Variants in MCF2L observed in about 807,000 individuals in gnomAD.
MCF2L encodes MCF.2 cell line derived transforming sequence like, also known as guanine nucleotide exchange factor DBS.
MCF2L carries 97 observed loss-of-function variants against 153.4 expected under a neutral mutation model. The observed-to-expected ratio is 0.63, with a 90% CI of 0.54 to 0.75. The LOEUF is 0.75. MCF2L is among the 30% of genes least tolerant of loss of function. MCF2L has a pLI of 0.00. For synonymous variants in MCF2L, 659 were observed against 632.2 expected (o/e 1.04, Z -0.64); for missense variants, 1,347 against 1,495.2 (o/e 0.90, Z 1.64).
chr13:112,973,475 G>A (rs1276283140), intron 1 of MCF2L, among the ~76,000 whole-genome samples: 1 of 152,186 alleles, frequency 6.6e-6, no homozygotes, highest in Non-Finnish European at 1.5e-5. Context: ...AGATTTGAGC[G>A]GAGGGAGGCT....
intron 1 of MCF2L, among the ~76,000 whole-genome samples, chr13:112,988,887 C>G (rs12872749): frequency 0.031 from 1,911 of 61,012 alleles, no homozygotes; most frequent in Non-Finnish European, 0.042. Flanking sequence ...CTACCACGCC[C>G]GAGTCCTCCC....
In MCF2L at chr13:113,001,754, G is replaced by C; in HGVS notation, c.80-13009G>C. The C allele has an allele frequency of 3.7e-6, 5 of 1,362,536 alleles. 1 individual carries two copies. The South Asian group carries it at 7.2e-5, about 20-fold the overall frequency. 84.4% of individuals were successfully genotyped at this position (1,362,536 alleles called of 1,614,324 possible). On this transcript the variant is annotated intron_variant, in intron 1 of 29. Transcript: ENST00000535094. ...GAGGCCCTGGGAGGAGCAGCCGGCT[G>C]GCTGCCCTGCAGAGGCCAGGTCTGC...
intron 2 of MCF2L, among the ~76,000 whole-genome samples, chr13:112,919,447 C>T (rs1379743353): frequency 4.6e-5 from 7 of 151,938 alleles, no homozygotes; most frequent in African/African-American, 1.4e-4. Flanking sequence ...CCTCGTGATC[C>T]GCCCGCCTCG....
rs148288075 is a variant in MCF2L, at chr13:112,913,484, C to T, written c.169+11113C>T. On this transcript the variant is annotated intron_variant, in intron 2 of 29. Coordinates refer to the MCF2L transcript ENST00000375608. ...TTGATGCAGCTGGCACCTTTCTTCT[C>T]GGGGACAAATGTGATCTTTGATCAT... 3.2e-4 allele frequency among the ~76,000 whole-genome samples: 48 copies of T among 152,256 alleles called. No homozygotes were observed. The East Asian group carries it at 4.0e-3, about 13-fold the overall frequency.
rs575704425 is a variant in MCF2L, at chr13:113,095,811, C to T, written c.3076-560C>T. On this transcript the variant is annotated intron_variant, in intron 27 of 29. Transcript: ENST00000535094. ...TGCCGCTTCCTGGGTCCCCATTCCCCAACGGAACGTGTTCCATGACATCTG... is the reference window on the plus strand; with the variant it reads ...TGCCGCTTCCTGGGTCCCCATTCCCTAACGGAACGTGTTCCATGACATCTG... The T allele has an allele frequency of 1.8e-4, 183 of 996,190 alleles. 1 individual carries two copies. In the African/African-American group the frequency reaches 3.0e-3, roughly 16 times the overall value. 61.7% of individuals were successfully genotyped at this position (996,190 alleles called of 1,614,324 possible). A position where few individuals can be genotyped will look rare whatever the true frequency, so the allele number is the denominator to read the frequency against.
rs113005961 is a variant in MCF2L, at chr13:113,031,518, C to G, written c.278+6760C>G. Among the ~76,000 whole-genome samples, 859 of 152,062 alleles carry G rather than the reference C, an allele frequency of 5.6e-3. 4 individuals are homozygous for G. The highest frequency in any genetic ancestry group is 0.019 in the African/African-American group (796 of 41,428). ...GGTCTGTGGAGCCTTTTCTGAGGAG[C>G]TGTGTTTTCTGTGAAGTGGGTGCCA... is the stretch of plus-strand genomic sequence containing the variant. On this transcript the variant is annotated intron_variant, in intron 3 of 29. Coordinates refer to ENST00000535094, the MANE Select transcript of MCF2L (RefSeq NM_001112732.3). The surrounding 1 kb of genome is among the most constrained non-coding windows in gnomAD (Gnocchi z 5.5).
intron 27 of MCF2L, chr13:113,095,359 T>C: frequency 5.2e-6 from 6 of 1,145,544 alleles, no homozygotes; most frequent in Non-Finnish European, 6.5e-6. Flanking sequence ...CTCTGGCCTC[T>C]CCCACAGAGA....
chr13:112,981,756 C>T (rs1469813959), intron 1 of MCF2L, among the ~76,000 whole-genome samples: 1 of 152,242 alleles, frequency 6.6e-6, no homozygotes, highest in Non-Finnish European at 1.5e-5. Context: ...GCGGGTGCGG[C>T]TCAGAGCCCA....
At position 113,076,965 on chromosome 13, in the gene MCF2L, G is replaced by A. The variant is rs145234292; in HGVS notation, c.1501-87G>A. On this transcript the variant is annotated intron_variant, in intron 12 of 29. Coordinates refer to ENST00000535094, the MANE Select transcript of MCF2L (RefSeq NM_001112732.3). ...AGAACATTTAAAGCGGGGGTTGGGC[G>A]TGCCCCGGCACGTTCTGCGCCTGAC... The A allele has an allele frequency of 5.0e-3, 7,131 of 1,419,586 alleles. 26 individuals are homozygous for A. The highest frequency in any genetic ancestry group is 6.0e-3 in the Non-Finnish European group (6,172 of 1,036,520). 87.9% of individuals were successfully genotyped at this position (1,419,586 alleles called of 1,614,324 possible).
intron 3 of MCF2L, among the ~76,000 whole-genome samples, chr13:113,038,974 T>C (rs2086315862): frequency 6.6e-6 from 1 of 152,120 alleles, no homozygotes; most frequent in African/African-American, 2.4e-5. Flanking sequence ...TCTCCTGCCT[T>C]AGCCTCCCGC....
intron 2 of MCF2L, among the ~76,000 whole-genome samples, chr13:113,017,660 A>T (rs976398581): frequency 6.6e-6 from 1 of 151,920 alleles, no homozygotes; most frequent in Admixed American, 6.6e-5. Flanking sequence ...CCGCCCCAGC[A>T]TCACCCATGG....
intron 2 of MCF2L, among the ~76,000 whole-genome samples, chr13:112,944,999 C>CTT (rs1224216871): frequency 9.5e-4 from 77 of 81,364 alleles, no homozygotes; most frequent in African/African-American, 3.9e-3. Context: ...TTAGGCACCA[C>CTT]TATTTTTTTT....
intron 1 of MCF2L, among the ~76,000 whole-genome samples, chr13:113,013,114 T>C: frequency 6.6e-6 from 1 of 152,174 alleles, no homozygotes; most frequent in East Asian, 1.9e-4. Context: ...CCGTAAAATC[T>C]GAACATCCAA....
intron 1 of MCF2L, among the ~76,000 whole-genome samples, chr13:112,898,748 A>ATC (rs1309477001): frequency 6.6e-6 from 1 of 151,928 alleles, no homozygotes; most frequent in Non-Finnish European, 1.5e-5. Flanking sequence ...AGCTGCCATC[A>ATC]TCTCCAGACT....
chr13:112,930,106 A>T (rs1421815302), intron 2 of MCF2L, among the ~76,000 whole-genome samples: 1 of 152,176 alleles, frequency 6.6e-6, no homozygotes, highest in Non-Finnish European at 1.5e-5. Flanking sequence ...GTTCACTGGG[A>T]TGGAGCGGAG....
At chr13:113,008,873 T>C (rs2083885041) in intron 1 of MCF2L, 1 of 152,238 alleles carries the variant, frequency 6.6e-6, no homozygotes, top group Non-Finnish European at 1.5e-5. Context: ...GAGGACACGC[T>C]CCAGGGGATT....
chr13:113,047,579 G>A (rs887185153), intron 4 of MCF2L, among the ~76,000 whole-genome samples: 63 of 152,240 alleles, frequency 4.1e-4, no homozygotes, highest in Admixed American at 3.1e-3. Context: ...CTTACCTGCC[G>A]CTGATATAAA....
chr13:113,044,684 G>C lies in MCF2L; in HGVS notation c.279-587G>C, dbSNP rs115084082. On this transcript the variant is annotated intron_variant, in intron 3 of 29. Transcript: ENST00000535094. ...ACTACCAGGCTCATCCGAGGACGGA[G>C]GCTGTCGTTATACAACGCGCAAGTG... The C allele has an allele frequency of 5.6e-6, 9 of 1,612,612 alleles. 1 individual carries two copies. Among genetic ancestry groups the C allele is most frequent in the African/African-American group, 1.3e-5 (1 of 74,924 alleles).
At chr13:113,015,529 G>A (rs2141204475) in intron 2 of MCF2L, among the ~76,000 whole-genome samples, 1 of 152,272 alleles carries the variant, frequency 6.6e-6, no homozygotes, top group South Asian at 2.1e-4. Context: ...CGGTGCTCTT[G>A]GGAGCTCAGC....
Sources: gnomAD v4.1 joint callset for allele counts (sites outside exome capture counted in the v4.1 genomes callset) on GRCh38, gnomAD v4.1.1 for gene constraint, Gnocchi (gnomAD v3.1) non-coding constraint, MANE v1.5 for transcripts, NCBI Gene and HGNC (gene_info 2026-07-23, HGNC 2026-07-21) for gene names.